MBP: variants seen among roughly 807,000 people sequenced by gnomAD.
MBP encodes Golli-MBP.
A neutral mutation model predicts 35.8 loss-of-function variants in MBP; 16 were observed. The ratio of observed to expected loss-of-function variants is 0.45; its 90% CI spans 0.30 to 0.68. The LOEUF (loss-of-function observed/expected upper bound fraction) is 0.68. MBP is among the 30% of genes least tolerant of loss of function. MBP has a pLI of 0.08. For missense variants in MBP, 380 were observed against 404.7 expected (o/e 0.94, Z 0.52); for synonymous variants, 143 against 159.6 (o/e 0.90, Z 0.78).
chr18:77,112,492 G>C (rs746917049), intron 1 of MBP: 1 of 152,200 alleles, frequency 6.6e-6, no homozygotes, highest in Non-Finnish European at 1.5e-5. Context: ...TCCAACATCG[G>C]TGCAAAGGGG....
intron 4 of MBP, among the ~76,000 whole-genome samples, chr18:76,999,971 A>T (rs1362861307): frequency 6.6e-6 from 1 of 152,146 alleles, no homozygotes; most frequent in Non-Finnish European, 1.5e-5. Flanking sequence ...ACTATAAAAG[A>T]AGAAATGGAC....
chr18:77,057,958 C>A lies in MBP; in HGVS notation c.139+8340G>T, dbSNP rs1475403272. 3.4e-5 allele frequency among the ~76,000 whole-genome samples: 2 copies of A among 59,636 alleles called. 1 individual carries two copies. The highest frequency in any genetic ancestry group is 2.2e-4 in the African/African-American group (2 of 8,968). 39.1% of individuals were successfully genotyped at this position (59,636 alleles called of 152,430 possible). ...TCTCCTGCCTCAGCCTCCCGAGTAG[C>A]TGGGACTACAGGCGCCCGCCACTAC... On this transcript the variant is annotated intron_variant, in intron 3 of 8. Coordinates refer to ENST00000355994, the MANE Select transcript of MBP (RefSeq NM_001025101.2).
chr18:77,059,513 T>C (rs1449048412), intron 3 of MBP, among the ~76,000 whole-genome samples: 1 of 138,614 alleles, frequency 7.2e-6, no homozygotes, highest in Admixed American at 7.1e-5. Context: ...ATGATAATAA[T>C]TTAACCTTAA....
intron 4 of MBP, chr18:77,015,978 ACTT>A: frequency 2.0e-6 from 2 of 985,244 alleles, no homozygotes; most frequent in Non-Finnish European, 1.2e-6. Flanking sequence ...TTTGGGAAAA[ACTT>A]CTTTCTCTCC....
chr18:77,064,589 ATG>A (rs1182219053), intron 3 of MBP, among the ~76,000 whole-genome samples: 1 of 152,174 alleles, frequency 6.6e-6, no homozygotes, highest in Non-Finnish European at 1.5e-5. Context: ...AATCTGTTTT[ATG>A]TGTGTTTGCT....
intron 3 of MBP, among the ~76,000 whole-genome samples, chr18:77,030,240 G>T (rs1381538739): frequency 6.6e-6 from 1 of 152,162 alleles, no homozygotes; most frequent in Admixed American, 6.6e-5. Context: ...TATTTTCCAT[G>T]ATTGGCAATC....
At chr18:77,129,959 G>C (rs1977184362) in intron 1 of MBP, among the ~76,000 whole-genome samples, 1 of 150,962 alleles carries the variant, frequency 6.6e-6, no homozygotes, top group Non-Finnish European at 1.5e-5. Context: ...TGAGGCAGGA[G>C]ACTGTTTTGG....
At chr18:77,111,432 G>A (rs1482819412) in intron 1 of MBP, among the ~76,000 whole-genome samples, 1 of 152,270 alleles carries the variant, frequency 6.6e-6, no homozygotes, top group Non-Finnish European at 1.5e-5. Flanking sequence ...TGAATAAACA[G>A]TGGAACTGTG....
In MBP at chr18:77,128,360, T is replaced by C. The variant is rs1977124734; in HGVS notation, c.-26+4220A>G. Reference sequence around the variant, plus strand: ...AAATTATAGAAAATAGGAACCATACTGTGGTTGCCAGCCTCAGGGAGGGGG... The same window carrying C: ...AAATTATAGAAAATAGGAACCATACCGTGGTTGCCAGCCTCAGGGAGGGGG... On this transcript the variant is annotated intron_variant, in intron 1 of 8. Transcript: ENST00000355994. 2.6e-5 allele frequency among the ~76,000 whole-genome samples: 4 copies of C among 152,194 alleles called. No individual in the cohort carries two copies. The South Asian group carries it at 8.3e-4, about 31-fold the overall frequency.
At chr18:77,095,215 G>T (rs1406892859) in intron 2 of MBP, among the ~76,000 whole-genome samples, 1 of 152,192 alleles carries the variant, frequency 6.6e-6, no homozygotes, top group Non-Finnish European at 1.5e-5. Context: ...AATTTTCCAG[G>T]CATTTCTCAG....
intron 1 of MBP, chr18:77,113,999 C>G (rs1260136117): frequency 6.6e-6 from 1 of 152,160 alleles, no homozygotes; most frequent in Non-Finnish European, 1.5e-5. Context: ...GCTAGGGGCT[C>G]CACAGTACTT....
At chr18:77,120,498 C>A (rs989895601) in intron 1 of MBP, among the ~76,000 whole-genome samples, 1 of 152,208 alleles carries the variant, frequency 6.6e-6, no homozygotes, top group Admixed American at 6.5e-5. Context: ...GCTAGGCCTG[C>A]TTGAAGGAAT....
intron 3 of MBP, among the ~76,000 whole-genome samples, chr18:77,027,822 T>G (rs950891471): frequency 1.1e-4 from 16 of 152,104 alleles, no homozygotes; most frequent in Admixed American, 3.9e-4. Flanking sequence ...TGAGGAGCTG[T>G]GACTACAGGT....
In MBP at chr18:77,105,143, C is replaced by T. The variant is rs368298435; in HGVS notation, c.51+68G>A. ...AAGAGCCCATGCCCGTAGCCTCTGACACACCAAGGGGATTTGTGTTTAATA... is the reference window on the plus strand; with the variant it reads ...AAGAGCCCATGCCCGTAGCCTCTGATACACCAAGGGGATTTGTGTTTAATA... On this transcript the variant is annotated intron_variant, in intron 2 of 8. Coordinates refer to ENST00000355994, the MANE Select transcript of MBP (RefSeq NM_001025101.2). 295 of 1,507,106 alleles carry T rather than the reference C, an allele frequency of 2.0e-4. 1 individual carries two copies. Among genetic ancestry groups the T allele is most frequent in the Middle Eastern group, 3.4e-4 (2 of 5,822 alleles). The allele number at this position is 1,507,106 out of a possible 1,614,324, so 93.4% of individuals were successfully genotyped here.
At chr18:77,103,916 G>T (rs1316920120) in intron 2 of MBP, among the ~76,000 whole-genome samples, 1 of 152,268 alleles carries the variant, frequency 6.6e-6, no homozygotes, top group Non-Finnish European at 1.5e-5. Flanking sequence ...AAATAAGGCG[G>T]ACAATGGCAA....
chr18:77,112,298 C>A (rs559418978), intron 1 of MBP, among the ~76,000 whole-genome samples: 2 of 152,278 alleles, frequency 1.3e-5, no homozygotes, highest in East Asian at 3.9e-4. Context: ...CTGTGGGATG[C>A]GCGCTGCACA....
rs540022394 is a variant in MBP at position 77,025,705 on chromosome 18, CTTTTTTTT to C, written c.140-8445_140-8438del. ...GCGGACACTGTCCTCTATTGAAATACTTTTTTTTTTTTTTTTTTTTACCTAGAGCATGT... is the reference window on the plus strand; with the variant it reads ...GCGGACACTGTCCTCTATTGAAATACTTTTTTTTTTTTACCTAGAGCATGT... On this transcript the variant is annotated intron_variant, in intron 3 of 8. Transcript: ENST00000355994. Among the ~76,000 whole-genome samples, 89 of 108,802 alleles carry C rather than the reference CTTTTTTTT, an allele frequency of 8.2e-4. 1 individual carries two copies. Among genetic ancestry groups the C allele is most frequent in the African/African-American group, 3.4e-3 (84 of 24,568 alleles). The allele number at this position is 108,802 out of a possible 152,430, so 71.4% of individuals were successfully genotyped here. A position where few individuals can be genotyped will look rare whatever the true frequency, so the allele number is the denominator to read the frequency against.
intron 3 of MBP, among the ~76,000 whole-genome samples, chr18:77,036,734 G>A (rs1419077644): frequency 7.1e-6 from 1 of 140,178 alleles, no homozygotes; most frequent in Non-Finnish European, 1.5e-5. Flanking sequence ...CTGAGCAAGT[G>A]CTGGTCACAT....
chr18:76,982,515 A>G (rs993736533), intron 8 of MBP: 4 of 152,238 alleles, frequency 2.6e-5, no homozygotes, highest in African/African-American at 9.6e-5. Context: ...GGATGCTCCT[A>G]TGATGTTCTG....
Sources: allele counts gnomAD v4.1 joint callset (sites outside exome capture counted in the v4.1 genomes callset), GRCh38; gene constraint gnomAD v4.1.1; transcripts MANE v1.5; gene names NCBI Gene and HGNC (gene_info 2026-07-23, HGNC 2026-07-21).